Variants in ECH1 observed in about 807,000 individuals in gnomAD.
The protein encoded by ECH1 is delta(3,5)-Delta(2,4)-dienoyl-CoA isomerase, mitochondrial.
In ECH1, 30 loss-of-function variants were observed where a neutral mutation model predicts 37.0. The ratio of observed to expected loss-of-function variants is 0.81; its 90% CI spans 0.61 to 1.10. The LOEUF (loss-of-function observed/expected upper bound fraction) is 1.10, where lower values mean the gene tolerates loss of function less well. Ranked by LOEUF, ECH1 falls within the 50% of genes least tolerant of loss-of-function variation. The pLI is 0.00. For synonymous variants in ECH1, 178 were observed against 176.0 expected (o/e 1.01, Z -0.09); for missense variants, 456 against 441.6 (o/e 1.03, Z -0.29).
In ECH1 at chr19:38,817,058, G is replaced by T; in HGVS notation, c.588+7C>A. The T allele has an allele frequency of 6.4e-7, 1 of 1,566,712 alleles. No homozygotes were observed. Among genetic ancestry groups the T allele is most frequent in the South Asian group, 1.2e-5 (1 of 84,814 alleles). ...GCTCTAAGCAGGAGCTCGGGAGGAT[G>T]ACTCACCTTCACCTGGAAGAAAGCA... On this transcript the variant is annotated splice_region_variant and intron_variant, in intron 6 of 9. Coordinates refer to ENST00000221418, the MANE Select transcript of ECH1 (RefSeq NM_001398.3).
At chr19:38,817,212 A>G in intron 5 of ECH1, 83 bp from the exon 6 acceptor site, 1 of 1,549,058 alleles carries the variant, frequency 6.5e-7, no homozygotes, top group Non-Finnish European at 8.7e-7. Flanking sequence ...CTTGGGACAC[A>G]GTCTGGCCCA....
intron 3 of ECH1, among the ~76,000 whole-genome samples, chr19:38,817,926 C>A (rs773874602): frequency 6.6e-6 from 1 of 152,154 alleles, no homozygotes; most frequent in Non-Finnish European, 1.5e-5. Flanking sequence ...TAAATTAACT[C>A]ATTAATGTTT....
chr19:38,831,270 T>TC (rs781308995), intron 2 of ECH1, 39 bp downstream of exon 2: 16 of 1,605,302 alleles, frequency 1.0e-5, no homozygotes, highest in South Asian at 5.5e-5. Flanking sequence ...CAGCCCCGCC[T>TC]CCCCCCGCAG....
At chr19:38,818,324 GGC>G (rs1971608432) in intron 3 of ECH1, 1 of 985,122 alleles carries the variant, frequency 1.0e-6, no homozygotes, top group African/African-American at 1.7e-5. Context: ...CAATTTCTGT[GGC>G]TCCAACTTCA....
At chr19:38,816,840 ACCAGTATGGC>A in intron 6 of ECH1, 1 of 639,098 alleles carries the variant, frequency 1.6e-6, no homozygotes, top group South Asian at 1.9e-5. Flanking sequence ...TCCCACCCTC[ACCAGTATGGC>A]CCCAGGAGCA....
At chr19:38,820,053 CTTTTTTTT>C (rs1168608450) in intron 3 of ECH1, 70 of 139,492 alleles carry the variant, frequency 5.0e-4, no homozygotes, top group Middle Eastern at 6.4e-3. Context: ...GTCCCCCTTA[CTTTTTTTT>C]TTTTTTTTTT....
At chr19:38,815,751 A>G (rs751445868) in intron 9 of ECH1, 34 bp from the exon 10 acceptor site, 46 of 1,613,774 alleles carry the variant, frequency 2.9e-5, no homozygotes, top group Non-Finnish European at 3.9e-5. Context: ...GAACGAGGAG[A>G]GAGATTAGCA....
intron 3 of ECH1, among the ~76,000 whole-genome samples, chr19:38,829,328 G>A (rs1971784659): frequency 1.3e-5 from 2 of 151,182 alleles, no homozygotes; most frequent in Non-Finnish European, 2.9e-5. Context: ...AGGCCTGGTG[G>A]CGGGCATCTG....
At chr19:38,819,580 G>A (rs889327) in intron 3 of ECH1, among the ~76,000 whole-genome samples, 11,406 of 152,064 alleles carry the variant, frequency 0.075, 572 homozygotes, top group East Asian at 0.16. Context: ...TGGCGCACAC[G>A]AGCTGCTCAA....
chr19:38,826,359 T>A (rs1433475730), intron 3 of ECH1, among the ~76,000 whole-genome samples: 1 of 152,214 alleles, frequency 6.6e-6, no homozygotes. Context: ...ATCCCACTGC[T>A]TTTCCTTATC....
Position 38,815,923 on chromosome 19 carries a change from C to T in ECH1, c.816G>A (p.Val272=). The change falls in exon 9 of 10, where the codon GTG becomes GTA. Residue 272 remains valine, a synonymous_variant. Transcript: ENST00000221418. ...AEISSKSPVA[V]QSTKVNLLYS... ...ACAGCAGGTTGACCTTGGTGCTCTG[C>T]ACCGCCACGGGGCTCTTGCTGGAAA... 1 of 1,614,180 alleles carries T rather than the reference C, an allele frequency of 6.2e-7. No homozygotes were observed. The highest frequency in any genetic ancestry group is 8.5e-7 in the Non-Finnish European group (1 of 1,180,030).
chr19:38,817,258 ATCG>A, intron 5 of ECH1, 55 bp downstream of exon 5: 1 of 1,530,724 alleles, frequency 6.5e-7, no homozygotes, highest in Non-Finnish European at 8.8e-7. Context: ...TGGCCGCGGC[ATCG>A]GAGCAGCAGC....
chr19:38,820,776 A>G (rs1364778156), intron 3 of ECH1, among the ~76,000 whole-genome samples: 2 of 152,166 alleles, frequency 1.3e-5, no homozygotes, highest in African/African-American at 4.8e-5. Context: ...TGAAAGATGA[A>G]GGACCTGGGC....
At position 38,831,365 on chromosome 19, in the gene ECH1, C is replaced by T; in HGVS notation, c.204G>A (p.Leu68=). 1.2e-6 allele frequency: 2 copies of T among 1,613,960 alleles called. No individual in the cohort carries two copies. Among genetic ancestry groups the T allele is most frequent in the Non-Finnish European group, 1.7e-6 (2 of 1,179,942 alleles). ...LRVTSAQKHV[L]HVQLNRPNKR... is the part of the protein sequence containing the mutation. ...TGTTGGGCCGGTTGAGCTGGACATGCAGAACATGTTTCTGCGCAGACGTCA... is the reference window on the plus strand; with the variant it reads ...TGTTGGGCCGGTTGAGCTGGACATGTAGAACATGTTTCTGCGCAGACGTCA... Residue 68 remains leucine, a synonymous_variant, in exon 2 of 10, where the codon CTG becomes CTA. Coordinates refer to ENST00000221418, the MANE Select transcript of ECH1 (RefSeq NM_001398.3).
intron 3 of ECH1, among the ~76,000 whole-genome samples, chr19:38,818,848 C>T (rs1277843783): frequency 6.6e-6 from 1 of 152,046 alleles, no homozygotes; most frequent in Non-Finnish European, 1.5e-5. Context: ...TCATGACTAC[C>T]CTGCATGAAC....
In ECH1 at chr19:38,818,877, CT is replaced by C. The variant is rs1021421808; in HGVS notation, c.350-1303del. Among the ~76,000 whole-genome samples the C allele has an allele frequency of 2.0e-5, 3 of 150,318 alleles. No individual in the cohort carries two copies. In the Admixed American group the frequency reaches 2.0e-4, roughly 10 times the overall value. On this transcript the variant is annotated intron_variant, in intron 3 of 9. Transcript: ENST00000221418. ...CATGAACACTGTTCCCAACCTGTTACTTTGGGCACACTGGCCTCCAACTCTG... is the reference window on the plus strand; with the variant it reads ...CATGAACACTGTTCCCAACCTGTTACTTGGGCACACTGGCCTCCAACTCTG...
intron 5 of ECH1, 24 bp from the exon 6 acceptor site, chr19:38,817,153 C>A: frequency 6.4e-7 from 1 of 1,559,416 alleles, no homozygotes; most frequent in Non-Finnish European, 8.7e-7. Context: ...GCCAGGGATG[C>A]TGAATGACCA....
At position 38,817,651 on chromosome 19, in the gene ECH1, G is replaced by C; in HGVS notation, c.350-76C>G. 4.7e-6 allele frequency: 7 copies of C among 1,491,992 alleles called. No homozygotes were observed. In the South Asian group the frequency reaches 9.7e-5, roughly 21 times the overall value. 92.4% of individuals were successfully genotyped at this position (1,491,992 alleles called of 1,614,324 possible). A position where few individuals can be genotyped will look rare whatever the true frequency, so the allele number is the denominator to read the frequency against. On this transcript the variant is annotated intron_variant, in intron 3 of 9. Coordinates refer to ENST00000221418, the MANE Select transcript of ECH1 (RefSeq NM_001398.3). ...TGACTCAACCAGGGATCAGAACCCA[G>C]GCACAGCAGGTTCGAACCCCCAAAC...
chr19:38,822,694 G>A (rs1029657106), intron 3 of ECH1, among the ~76,000 whole-genome samples: 6 of 152,220 alleles, frequency 3.9e-5, no homozygotes, highest in Non-Finnish European at 7.3e-5. Flanking sequence ...CTCAGGGATT[G>A]TAAACGCACC....
Sources: gnomAD v4.1 joint callset for allele counts (sites outside exome capture counted in the v4.1 genomes callset) on GRCh38, gnomAD v4.1.1 for gene constraint, MANE v1.5 for transcripts, NCBI Gene and HGNC (gene_info 2026-07-23, HGNC 2026-07-21) for gene names.